The following DNAH11 variants were observed in gnomAD, a reference collection of about 807,000 sequenced individuals.
The protein encoded by DNAH11 is dynein axonemal heavy chain 11, also known as axonemal beta dynein heavy chain 11.
A neutral mutation model predicts 526.0 loss-of-function variants in DNAH11; 442 were observed. The ratio of observed to expected loss-of-function variants is 0.84; its 90% CI spans 0.78 to 0.91. The LOEUF (loss-of-function observed/expected upper bound fraction) is 0.91. DNAH11 is among the 40% of genes least tolerant of loss of function. DNAH11 has a pLI of 0.00. For missense variants in DNAH11, 6,989 were observed against 5,448.7 expected (o/e 1.28, Z -8.90); for synonymous variants, 2,461 against 1,935.9 (o/e 1.27, Z -7.12).
At chr7:21,872,218 A>G (rs1046416079) in intron 73 of DNAH11, among the ~76,000 whole-genome samples, 2 of 151,090 alleles carry the variant, frequency 1.3e-5, no homozygotes, top group African/African-American at 4.9e-5. Context: ...CAGTCACATT[A>G]TGAGATGCTG....
intron 18 of DNAH11, among the ~76,000 whole-genome samples, chr7:21,602,590 T>C: frequency 8.8e-6 from 1 of 113,302 alleles, no homozygotes; most frequent in Admixed American, 8.7e-5. Context: ...TGTGTGTGTG[T>C]GTGTGTGTGT....
chr7:21,588,654 G>A lies in DNAH11; in HGVS notation c.1973+18G>A. 6.2e-7 allele frequency: 1 copy of A among 1,611,018 alleles called. No homozygotes were observed. The highest frequency in any genetic ancestry group is 1.7e-5 in the Admixed American group (1 of 59,992). ...CGTTATCTGTAAGTAGTTAAGCTTAGGTCATGGCAAGTTATTCTAATGGTA... is the reference window on the plus strand; with the variant it reads ...CGTTATCTGTAAGTAGTTAAGCTTAAGTCATGGCAAGTTATTCTAATGGTA... On this transcript the variant is annotated intron_variant, in intron 11 of 81. Coordinates refer to ENST00000409508, the MANE Select transcript of DNAH11 (RefSeq NM_001277115.2).
intron 18 of DNAH11, among the ~76,000 whole-genome samples, chr7:21,604,860 A>C (rs1413228788): frequency 6.6e-6 from 1 of 152,170 alleles, no homozygotes; most frequent in East Asian, 1.9e-4. Context: ...TGGAAATGCA[A>C]AGTGAGACTC....
chr7:21,665,385 A>G (rs1782385045), intron 30 of DNAH11, among the ~76,000 whole-genome samples: 2 of 152,154 alleles, frequency 1.3e-5, no homozygotes, highest in Admixed American at 1.3e-4. Flanking sequence ...ACAGCCTTGT[A>G]TAGACATGTT....
intron 55 of DNAH11, 22 bp from the exon 56 acceptor site, chr7:21,773,744 A>T: frequency 1.4e-6 from 2 of 1,422,928 alleles, no homozygotes; most frequent in Non-Finnish European, 1.9e-6. Context: ...TTTCACATGA[A>T]CTGTAATGTT....
intron 14 of DNAH11, among the ~76,000 whole-genome samples, chr7:21,592,816 G>A (rs1784736504): frequency 6.6e-6 from 1 of 152,170 alleles, no homozygotes; most frequent in Non-Finnish European, 1.5e-5. Context: ...TGGTCTGAGT[G>A]ATTGGACTGG....
rs201793112 is a variant in DNAH11, at chr7:21,558,875, A to T, written c.569A>T (p.Tyr190Phe). The T allele has an allele frequency of 3.6e-4, 576 of 1,609,028 alleles. 4 individuals are homozygous for T. Among genetic ancestry groups the T allele is most frequent in the Non-Finnish European group, 4.5e-4 (528 of 1,177,452 alleles). The change falls in exon 3 of 82, where the codon TAT (tyrosine) becomes TTT (phenylalanine). Residue 190 changes from tyrosine (Y) to phenylalanine (F), a missense_variant. Transcript: ENST00000409508. ...WSCFTSQDME[Y>F]HIEVMKKKMY... ...TGTTTTACTTCACAAGATATGGAATATCACATAGAAGTCATGAAAAAGAAG... is the reference window on the plus strand; with the variant it reads ...TGTTTTACTTCACAAGATATGGAATTTCACATAGAAGTCATGAAAAAGAAG...
chr7:21,672,813 C>A (rs1448868832), intron 30 of DNAH11, among the ~76,000 whole-genome samples: 1 of 152,134 alleles, frequency 6.6e-6, no homozygotes, highest in Non-Finnish European at 1.5e-5. Context: ...GCCATGGGAG[C>A]CAGGACAGGA....
intron 29 of DNAH11, among the ~76,000 whole-genome samples, chr7:21,656,185 C>A (rs1782009259): frequency 6.6e-6 from 1 of 152,144 alleles, no homozygotes; most frequent in Non-Finnish European, 1.5e-5. Flanking sequence ...GTGGCTTTGG[C>A]ACCCAGCAGG....
At position 21,561,087 on chromosome 7, in the gene DNAH11, T is replaced by G; in HGVS notation, c.899T>G (p.Val300Gly). The G allele has an allele frequency of 1.3e-6, 2 of 1,600,002 alleles. No individual in the cohort carries two copies. Among genetic ancestry groups the G allele is most frequent in the Non-Finnish European group, 1.7e-6 (2 of 1,172,758 alleles). ...CIYDQLQAPVVLKMVKILTTK... is the reference protein window; with the variant it reads ...CIYDQLQAPVGLKMVKILTTK... ...TTAACTTAGCTTCAGGCACCTGTTG[T>G]CCTCAAAATGGTTAAGATCCTGACA... Residue 300 changes from valine to glycine, a missense_variant, in exon 5 of 82, where the codon GTC (valine) becomes GGC (glycine). Physicochemically the swap from Val to Gly is moderately radical, Grantham distance 109. Transcript: ENST00000409508.
intron 63 of DNAH11, among the ~76,000 whole-genome samples, chr7:21,813,538 C>G (rs1164461480): frequency 6.6e-6 from 1 of 152,186 alleles, no homozygotes; most frequent in Non-Finnish European, 1.5e-5. Flanking sequence ...AGTATTACCT[C>G]CACAGGAAAT....
At chr7:21,743,109 A>G (rs1785986329) in intron 49 of DNAH11, among the ~76,000 whole-genome samples, 1 of 152,228 alleles carries the variant, frequency 6.6e-6, no homozygotes, top group South Asian at 2.1e-4. Context: ...TGGGCAATTA[A>G]GTTTCAAGAC....
At chr7:21,649,790 T>A (rs1787544586) in intron 28 of DNAH11, among the ~76,000 whole-genome samples, 1 of 151,900 alleles carries the variant, frequency 6.6e-6, no homozygotes, top group Non-Finnish European at 1.5e-5. Flanking sequence ...CTCAGCCACC[T>A]GAGTAGCTGG....
intron 68 of DNAH11, among the ~76,000 whole-genome samples, chr7:21,857,792 T>C (rs1437159612): frequency 6.6e-6 from 1 of 152,064 alleles, no homozygotes; most frequent in African/African-American, 2.4e-5. Flanking sequence ...AAAATAAACC[T>C]CAAACTATTA....
At chr7:21,736,090 A>G (rs563720884) in intron 46 of DNAH11, among the ~76,000 whole-genome samples, 6 of 152,316 alleles carry the variant, frequency 3.9e-5, no homozygotes, top group South Asian at 4.1e-4. Flanking sequence ...ATATACATCA[A>G]TAGTGTTAAT....
chr7:21,779,746 T>A (rs982357711), intron 57 of DNAH11, among the ~76,000 whole-genome samples: 3 of 152,206 alleles, frequency 2.0e-5, no homozygotes, highest in Non-Finnish European at 2.9e-5. Flanking sequence ...GAAGACATAG[T>A]TTTGTACATC....
intron 31 of DNAH11, among the ~76,000 whole-genome samples, chr7:21,682,525 C>CAAAA (rs60337481): frequency 3.1e-5 from 3 of 96,056 alleles, no homozygotes; most frequent in South Asian, 3.4e-4. Flanking sequence ...GACTCCATCT[C>CAAAA]AAAAAAAAAA....
Position 21,603,151 on chromosome 7 carries a change from T to C in DNAH11, c.3648+1533T>C, listed in dbSNP as rs148478395. On this transcript the variant is annotated intron_variant, in intron 18 of 81. Coordinates refer to ENST00000409508, the MANE Select transcript of DNAH11 (RefSeq NM_001277115.2). ...TAGATATTTCAGATAGATGGAATCA[T>C]ACAATATGTGACCTATTTTGTTAGG... 1.3e-3 allele frequency among the ~76,000 whole-genome samples: 205 copies of C among 152,366 alleles called. 1 individual carries two copies. Among genetic ancestry groups the C allele is most frequent in the African/African-American group, 4.7e-3 (195 of 41,580 alleles).
intron 65 of DNAH11, among the ~76,000 whole-genome samples, chr7:21,827,730 G>A (rs1466138067): frequency 6.6e-6 from 1 of 151,930 alleles, no homozygotes; most frequent in Non-Finnish European, 1.5e-5. Context: ...TGAAAGTTAT[G>A]CTAAGATTAA....
Sources: allele counts gnomAD v4.1 joint callset (sites outside exome capture counted in the v4.1 genomes callset), GRCh38; gene constraint gnomAD v4.1.1; transcripts MANE v1.5; gene names NCBI Gene and HGNC (gene_info 2026-07-23, HGNC 2026-07-21).